Variants in CNGA3 observed in about 807,000 individuals in gnomAD.
CNGA3 encodes cyclic nucleotide gated channel subunit alpha 3.
A neutral mutation model predicts 46.6 loss-of-function variants in CNGA3; 42 were observed. The observed-to-expected ratio is 0.90, with a 90% confidence interval of 0.70 to 1.17. The LOEUF (loss-of-function observed/expected upper bound fraction) is 1.17. CNGA3 is among the 50% of genes most tolerant of loss of function. CNGA3 has a pLI of 0.00. For missense variants in CNGA3, 893 were observed against 890.7 expected (o/e 1.00, Z -0.03); for synonymous variants, 394 against 369.4 (o/e 1.07, Z -0.76).
intron 1 of CNGA3, among the ~76,000 whole-genome samples, chr2:98,365,584 C>T (rs1301059935): frequency 6.9e-6 from 1 of 144,846 alleles, no homozygotes; most frequent in Non-Finnish European, 1.6e-5. Flanking sequence ...TCCTGTAGTT[C>T]TCAGAGGTTT....
chr2:98,385,288 G>C (rs558685206), intron 5 of CNGA3, among the ~76,000 whole-genome samples: 1 of 152,338 alleles, frequency 6.6e-6, no homozygotes, highest in East Asian at 1.9e-4. Flanking sequence ...AGACTCCAGT[G>C]CCTGAAAAGA....
At chr2:98,390,964 A>C (rs1574386453) in intron 6 of CNGA3, among the ~76,000 whole-genome samples, 1 of 152,052 alleles carries the variant, frequency 6.6e-6, no homozygotes, top group East Asian at 1.9e-4. Flanking sequence ...CAGTATGCAA[A>C]ATGAGGATGC....
Position 98,346,492 on chromosome 2 carries a change from C to T in CNGA3, c.-80C>T, listed in dbSNP as rs1691624774. 2 of 398,332 alleles carry T rather than the reference C, an allele frequency of 5.0e-6. No homozygotes were observed. Among genetic ancestry groups the T allele is most frequent in the Non-Finnish European group, 8.8e-6 (2 of 226,028 alleles). The allele number at this position is 398,332 out of a possible 1,614,324, so 24.7% of individuals were successfully genotyped here. A position where few individuals can be genotyped will look rare whatever the true frequency, so the allele number is the denominator to read the frequency against. On this transcript the variant is annotated 5_prime_UTR_variant, in exon 1 of 8. Coordinates refer to ENST00000272602, the MANE Select transcript of CNGA3 (RefSeq NM_001298.3). ...TAGGAGGCCGAGGGAGGAGGCGCTC[C>T]GCAGACCCTGGCGCGCCGCGGAGAA...
chr2:98,388,415 G>A (rs1250625666), intron 5 of CNGA3, among the ~76,000 whole-genome samples: 1 of 152,110 alleles, frequency 6.6e-6, no homozygotes, highest in African/African-American at 2.4e-5. Flanking sequence ...CCAGGGCTGG[G>A]TATCTTGGAG....
intron 2 of CNGA3, among the ~76,000 whole-genome samples, chr2:98,375,076 C>T (rs529675751): frequency 6.6e-6 from 1 of 152,262 alleles, no homozygotes; most frequent in Non-Finnish European, 1.5e-5. Flanking sequence ...CCTCCTCCCC[C>T]TGAGTGGGCA....
intron 1 of CNGA3, among the ~76,000 whole-genome samples, chr2:98,358,221 C>T (rs1691932926): frequency 6.6e-6 from 1 of 152,212 alleles, no homozygotes; most frequent in Non-Finnish European, 1.5e-5. Context: ...GACTCAAAAA[C>T]TGATAAATAC....
At chr2:98,348,141 C>T (rs1025251081) in intron 1 of CNGA3, among the ~76,000 whole-genome samples, 4 of 152,188 alleles carry the variant, frequency 2.6e-5, no homozygotes, top group African/African-American at 9.6e-5. Context: ...CAGGAACTCC[C>T]CCTGCTTCGC....
At chr2:98,388,630 C>T (rs1692714494) in intron 5 of CNGA3, among the ~76,000 whole-genome samples, 1 of 152,238 alleles carries the variant, frequency 6.6e-6, no homozygotes, top group Non-Finnish European at 1.5e-5. Flanking sequence ...CTCCGGTGGG[C>T]AGCCGGGGGC....
chr2:98,384,907 T>A (rs1282468208), intron 5 of CNGA3, among the ~76,000 whole-genome samples: 2 of 152,234 alleles, frequency 1.3e-5, no homozygotes, highest in African/African-American at 4.8e-5. Context: ...TATCCCAAAA[T>A]GAGGACACAC....
intron 1 of CNGA3, among the ~76,000 whole-genome samples, chr2:98,351,496 A>G (rs993450748): frequency 1.3e-5 from 2 of 152,194 alleles, no homozygotes; most frequent in East Asian, 1.9e-4. Flanking sequence ...TCCTTCCACC[A>G]TGATTGTGAG....
At chr2:98,356,195 G>T (rs911508535) in intron 1 of CNGA3, among the ~76,000 whole-genome samples, 1 of 152,186 alleles carries the variant, frequency 6.6e-6, no homozygotes, top group African/African-American at 2.4e-5. Context: ...CCCTGGGGGA[G>T]TTCTTGACTT....
At chr2:98,385,878 G>A (rs1031579076) in intron 5 of CNGA3, among the ~76,000 whole-genome samples, 6 of 152,068 alleles carry the variant, frequency 3.9e-5, no homozygotes, top group Non-Finnish European at 5.9e-5. Flanking sequence ...GGTAGGTGCC[G>A]TAAACAACCA....
intron 1 of CNGA3, among the ~76,000 whole-genome samples, chr2:98,357,266 G>A: frequency 6.6e-6 from 1 of 152,200 alleles, no homozygotes; most frequent in Non-Finnish European, 1.5e-5. Flanking sequence ...ACAGTGGAGA[G>A]AGCCCAGGAT....
chr2:98,359,097 C>G (rs781458819), intron 1 of CNGA3, among the ~76,000 whole-genome samples: 1 of 152,146 alleles, frequency 6.6e-6, no homozygotes, highest in Non-Finnish European at 1.5e-5. Context: ...CAAGCCAACC[C>G]AGATGTCCAT....
chr2:98,384,385 G>C (rs3769746), intron 5 of CNGA3, among the ~76,000 whole-genome samples: 126,991 of 152,178 alleles, frequency 0.83, 53,409 homozygotes, highest in Admixed American at 0.93. Flanking sequence ...GTCTTAGTTG[G>C]AGATTAGGGA....
chr2:98,396,730 C>T lies in CNGA3; in HGVS notation c.1560C>T (p.Tyr520=). ...AGGGAGATATTGGGAAGGAGATGTA[C>T]ATCATCAACGAGGGCAAGCTGGCCG... is the stretch of plus-strand genomic sequence containing the variant. ...CKKGDIGKEM[Y]IINEGKLAVV... Residue 520 remains tyrosine, a synonymous_variant, in exon 8 of 8, where the codon TAC becomes TAT. Coordinates refer to ENST00000272602, the MANE Select transcript of CNGA3 (RefSeq NM_001298.3). The T allele has an allele frequency of 6.2e-7, 1 of 1,614,184 alleles. No individual in the cohort carries two copies. The highest frequency in any genetic ancestry group is 8.5e-7 in the Non-Finnish European group (1 of 1,180,050).
Position 98,397,549 on chromosome 2 carries a change from A to T in CNGA3, c.*294A>T. On this transcript the variant is annotated 3_prime_UTR_variant, in exon 8 of 8. Coordinates refer to ENST00000272602, the MANE Select transcript of CNGA3 (RefSeq NM_001298.3). ...AAGTATATGAAAACGTGCACACAGG[A>T]CTCTCATTACTTTTTTATGGAATCT... 2 of 452,238 alleles carry T rather than the reference A, an allele frequency of 4.4e-6. No homozygotes were observed. The highest frequency in any genetic ancestry group is 8.0e-6 in the Non-Finnish European group (2 of 251,092). The allele number at this position is 452,238 out of a possible 1,614,324, so 28.0% of individuals were successfully genotyped here.
At chr2:98,354,644 G>A (rs1235778113) in intron 1 of CNGA3, among the ~76,000 whole-genome samples, 1 of 152,076 alleles carries the variant, frequency 6.6e-6, no homozygotes, top group Non-Finnish European at 1.5e-5. Context: ...ATATAGCTAG[G>A]CATGGTGGTG....
intron 7 of CNGA3, among the ~76,000 whole-genome samples, chr2:98,392,589 GAAAAGAAAAA>G (rs939677017): frequency 5.4e-5 from 8 of 149,372 alleles, no homozygotes; most frequent in African/African-American, 2.0e-4. Flanking sequence ...GAAAAGAAAA[GAAAAGAAAAA>G]AAAAGAAAAG....
Sources: gnomAD v4.1 joint callset for allele counts (sites outside exome capture counted in the v4.1 genomes callset) on GRCh38, gnomAD v4.1.1 for gene constraint, MANE v1.5 for transcripts, NCBI Gene and HGNC (gene_info 2026-07-23, HGNC 2026-07-21) for gene names.